The following CLTC variants were observed in gnomAD, a reference collection of about 807,000 sequenced individuals.
CLTC encodes the protein clathrin heavy chain, also known as clathrin heavy chain 1.
A neutral mutation model predicts 195.8 loss-of-function variants in CLTC; 16 were observed. The ratio of observed to expected loss-of-function variants is 0.08; its 90% CI spans 0.06 to 0.12. The LOEUF (loss-of-function observed/expected upper bound fraction) is 0.12, where lower values mean the gene tolerates loss of function less well. CLTC is among the 10% of genes least tolerant of loss of function. CLTC has a pLI of 1.00. For synonymous variants in CLTC, 667 were observed against 689.4 expected, an observed-to-expected ratio of 0.97 and a Z score of 0.51; for missense variants, 796 against 2,027.0, an observed-to-expected ratio of 0.39 and a Z score of 11.66.
Position 59,696,792 on chromosome 17 carries a change from A to G in CLTC, c.*2940A>G. The G allele has an allele frequency of 4.9e-6, 1 of 203,832 alleles. No homozygotes were observed. The allele number at this position is 203,832 out of a possible 1,614,324, so 12.6% of individuals were successfully genotyped here. A position where few individuals can be genotyped will look rare whatever the true frequency, so the allele number is the denominator to read the frequency against. On this transcript the variant is annotated 3_prime_UTR_variant, in exon 32 of 32. Coordinates refer to ENST00000269122, the MANE Select transcript of CLTC (RefSeq NM_004859.4). Reference sequence around the variant, plus strand: ...CCCATTTCCATCTGTTAAGGTCCATAAGGTTACTCAAGTTTCAGTGGCTTC... The same window carrying G: ...CCCATTTCCATCTGTTAAGGTCCATGAGGTTACTCAAGTTTCAGTGGCTTC...
chr17:59,645,182 T>C (rs2032157790), intron 2 of CLTC, among the ~76,000 whole-genome samples: 2 of 152,214 alleles, frequency 1.3e-5, no homozygotes, highest in Non-Finnish European at 2.9e-5. Context: ...AATTTTGTTA[T>C]GATGATAAAC....
At chr17:59,633,181 G>T (rs2031770363) in intron 1 of CLTC, among the ~76,000 whole-genome samples, 1 of 152,080 alleles carries the variant, frequency 6.6e-6, no homozygotes, top group Admixed American at 6.6e-5. Context: ...AGTATTTGTG[G>T]CATTTAAGCT....
At chr17:59,665,775 G>C (rs1255194572) in intron 10 of CLTC, among the ~76,000 whole-genome samples, 1 of 152,180 alleles carries the variant, frequency 6.6e-6, no homozygotes. Flanking sequence ...GGGAGGTGGA[G>C]GTTGCAGTGA....
At position 59,696,553 on chromosome 17, in the gene CLTC, G is replaced by GTTA. The variant is rs2033431197; in HGVS notation, c.*2701_*2702insTTA. 2 of 211,844 alleles carry GTTA rather than the reference G, an allele frequency of 9.4e-6. No homozygotes were observed. The highest frequency in any genetic ancestry group is 1.2e-4 in the Admixed American group (2 of 17,066). The allele number at this position is 211,844 out of a possible 1,614,324, so 13.1% of individuals were successfully genotyped here. On this transcript the variant is annotated 3_prime_UTR_variant, in exon 32 of 32. Coordinates refer to ENST00000269122, the MANE Select transcript of CLTC (RefSeq NM_004859.4). ...ATAGTTTCTAACAAGATGACTATCA[G>GTTA]GAAGCTATGTGGCTTGGGGAGTTGG...
chr17:59,648,170 C>A lies in CLTC; in HGVS notation c.520-70C>A. 1 of 1,330,602 alleles carries A rather than the reference C, an allele frequency of 7.5e-7. No individual in the cohort carries two copies. The highest frequency in any genetic ancestry group is 1.0e-6 in the Non-Finnish European group (1 of 968,424). 82.4% of individuals were successfully genotyped at this position (1,330,602 alleles called of 1,614,324 possible). On this transcript the variant is annotated intron_variant, in intron 3 of 31. Transcript: ENST00000269122. The surrounding 1 kb of genome is among the most constrained non-coding windows in gnomAD (Gnocchi z 4.5). ...AGATGACAAAGCATTCTAATTATTT[C>A]ATTACTTGATGAATCTGAGAGTTTT... is the stretch of plus-strand genomic sequence containing the variant.
chr17:59,625,614 G>T (rs1239776208), intron 1 of CLTC, among the ~76,000 whole-genome samples: 1 of 152,078 alleles, frequency 6.6e-6, no homozygotes, highest in East Asian at 1.9e-4. Flanking sequence ...AGGAATTCAA[G>T]ACCAGCCTGG....
At chr17:59,625,183 A>G (rs1452380636) in intron 1 of CLTC, among the ~76,000 whole-genome samples, 1 of 151,362 alleles carries the variant, frequency 6.6e-6, no homozygotes, top group Admixed American at 6.6e-5. Flanking sequence ...ATCTCGGCTC[A>G]TTGCAACCTC....
intron 8 of CLTC, among the ~76,000 whole-genome samples, chr17:59,661,861 G>C (rs1037486068): frequency 6.6e-6 from 1 of 152,070 alleles, no homozygotes; most frequent in African/African-American, 2.4e-5. Flanking sequence ...CCAGCACTTT[G>C]GGAGGCCATG....
intron 5 of CLTC, among the ~76,000 whole-genome samples, chr17:59,651,805 G>C (rs1224100209): frequency 1.3e-5 from 2 of 152,200 alleles, no homozygotes; most frequent in Non-Finnish European, 2.9e-5. Flanking sequence ...GAAGGTTGAG[G>C]TGGCTGTGGC....
intron 30 of CLTC, chr17:59,690,379 A>G: frequency 2.8e-6 from 1 of 357,866 alleles, no homozygotes; most frequent in Admixed American, 4.7e-5. Flanking sequence ...GCATCCTAGC[A>G]TGCCCAGTTT....
intron 4 of CLTC, among the ~76,000 whole-genome samples, chr17:59,649,542 CTTG>C (rs1038476243): frequency 2.6e-5 from 4 of 152,218 alleles, no homozygotes; most frequent in African/African-American, 9.6e-5. Context: ...TATCTTCCCT[CTTG>C]TTGTCCCATC....
intron 3 of CLTC, 96 bp downstream of exon 3, chr17:59,647,762 A>G (rs1010269902): frequency 2.8e-6 from 3 of 1,073,560 alleles, no homozygotes; most frequent in Non-Finnish European, 4.1e-6. Context: ...TCTATACTCA[A>G]TCCTGTTGAA....
chr17:59,620,434 G>A (rs1374817789), intron 1 of CLTC, among the ~76,000 whole-genome samples: 1 of 152,146 alleles, frequency 6.6e-6, no homozygotes, highest in Admixed American at 6.5e-5. Context: ...CTTGCTTCCT[G>A]GATGGCCAGA....
chr17:59,675,487 A>G (rs1330542711), intron 16 of CLTC, among the ~76,000 whole-genome samples: 6 of 152,174 alleles, frequency 3.9e-5, no homozygotes, highest in African/African-American at 1.2e-4. Context: ...ATGAGAAGAA[A>G]TTAAGAAAGT....
chr17:59,677,465 G>GTA (rs1028371126), intron 17 of CLTC, among the ~76,000 whole-genome samples: 7 of 152,114 alleles, frequency 4.6e-5, no homozygotes, highest in Non-Finnish European at 1.0e-4. Flanking sequence ...ATACATATGT[G>GTA]TATACACACA....
At chr17:59,688,250 A>C (rs879574361) in intron 30 of CLTC, among the ~76,000 whole-genome samples, 11 of 152,192 alleles carry the variant, frequency 7.2e-5, no homozygotes, top group Admixed American at 1.3e-4. Flanking sequence ...ATAGCAAGTC[A>C]TCTTCAGACC....
At chr17:59,641,647 T>C in intron 1 of CLTC, among the ~76,000 whole-genome samples, 1 of 146,110 alleles carries the variant, frequency 6.8e-6, no homozygotes, top group East Asian at 2.0e-4. Flanking sequence ...ACTTGCCTCC[T>C]GTTTAATTTT....
intron 9 of CLTC, 158 bp from the exon 10 acceptor site, chr17:59,664,615 GATGTTTGTTCAAAT>G: frequency 8.0e-6 from 4 of 499,450 alleles, no homozygotes; most frequent in Non-Finnish European, 1.3e-5. Flanking sequence ...AAAATTGACA[GATGTTTGTTCAAAT>G]ATGTCATCAC....
At chr17:59,684,221 T>C (rs2033132759) in intron 28 of CLTC, 1 of 428,848 alleles carries the variant, frequency 2.3e-6, no homozygotes. Context: ...GATTACTTTA[T>C]CTCTAACATC....
Sources: allele counts gnomAD v4.1 joint callset (sites outside exome capture counted in the v4.1 genomes callset), GRCh38; gene constraint gnomAD v4.1.1; non-coding constraint Gnocchi (gnomAD v3.1); transcripts MANE v1.5; gene names NCBI Gene and HGNC (gene_info 2026-07-23, HGNC 2026-07-21).